The following GRAMD4 variants were observed in gnomAD, a reference collection of about 807,000 sequenced individuals.
The protein encoded by GRAMD4 is GRAM domain containing 4.
In GRAMD4, 25 loss-of-function variants were observed where a neutral mutation model predicts 83.9. That is an observed-to-expected ratio of 0.30 (90% confidence interval 0.22 to 0.42). The LOEUF (loss-of-function observed/expected upper bound fraction) is 0.42. Among genes scored for constraint, GRAMD4 ranks in the 10% least tolerant of loss-of-function variants. The pLI is 1.00. For missense variants in GRAMD4, 593 were observed against 788.7 expected, an observed-to-expected ratio of 0.75 and a Z score of 2.97; for synonymous variants, 336 against 320.9, an observed-to-expected ratio of 1.05 and a Z score of -0.50.
chr22:46,633,959 G>A (rs373909970), intron 2 of GRAMD4, among the ~76,000 whole-genome samples: 6 of 152,194 alleles, frequency 3.9e-5, no homozygotes, highest in Non-Finnish European at 5.9e-5. Flanking sequence ...ATCATCCTAC[G>A]TGGACCACGT....
At position 46,622,860 on chromosome 22, in the gene GRAMD4, C is replaced by G. The variant is rs966464431; in HGVS notation, c.-50+2295C>G. Among the ~76,000 whole-genome samples, 2 of 148,786 alleles carry G rather than the reference C, an allele frequency of 1.3e-5. No homozygotes were observed. Among genetic ancestry groups the G allele is most frequent in the Admixed American group, 6.8e-5 (1 of 14,794 alleles). On this transcript the variant is annotated intron_variant, in intron 1 of 18. Coordinates refer to ENST00000406902, the MANE Select transcript of GRAMD4 (RefSeq NM_015124.5). This position sits in a 1 kb window ranked among gnomAD's most constrained non-coding sequence, Gnocchi z 4.0. ...CCAGGAGGCGGATCTTGCAGTGAGC[C>G]GAGATCACGCCACTGCACTCCAGCC...
chr22:46,626,889 C>T lies in GRAMD4; in HGVS notation c.90C>T (p.Thr30=), dbSNP rs752709124. 3 of 1,614,006 alleles carry T rather than the reference C, an allele frequency of 1.9e-6. No homozygotes were observed. The highest frequency in any genetic ancestry group is 2.7e-5 in the African/African-American group (2 of 74,932). Residue 30 remains threonine, a synonymous_variant, in exon 2 of 19, where the codon ACC becomes ACT. Coordinates refer to ENST00000406902, the MANE Select transcript of GRAMD4 (RefSeq NM_015124.5). ...CGGAGTCTCCAAATGCCTCGGACAC[C>T]GAATGCAGCGACGAAATCCCCCTGA... ...DLAESPNASD[T]ECSDEIPLKV... is the part of the protein sequence containing the mutation.
intron 2 of GRAMD4, among the ~76,000 whole-genome samples, chr22:46,636,069 C>T (rs997006438): frequency 6.6e-6 from 1 of 152,142 alleles, no homozygotes; most frequent in Non-Finnish European, 1.5e-5. Context: ...TGTCCTGGGG[C>T]CCCAGCTGGG....
chr22:46,644,897 CTTTTTTTTTTTTTTT>C (rs35677843), intron 3 of GRAMD4, among the ~76,000 whole-genome samples: 3 of 41,014 alleles, frequency 7.3e-5, no homozygotes, highest in African/African-American at 2.2e-4. Context: ...TGCACATGGC[CTTTTTTTTTTTTTTT>C]TTTTTTTTTT....
intron 3 of GRAMD4, among the ~76,000 whole-genome samples, chr22:46,640,703 A>G (rs1223483773): frequency 2.6e-5 from 4 of 152,148 alleles, no homozygotes; most frequent in African/African-American, 9.7e-5. Flanking sequence ...TGGAGCAAAG[A>G]GTGTCATGGG....
upstream of GRAMD4, among the ~76,000 whole-genome samples, chr22:46,616,926 A>AGGTTCCCCCGTGTG (rs1569263360): frequency 0.037 from 69 of 1,846 alleles, 31 homozygotes; most frequent in Admixed American, 0.083. Context: ...CCCTGTGCGT[A>AGGTTCCCCCGTGTG]TAGGTTCCCC....
At chr22:46,603,515 C>CTTTTTTTTTTTTTTTTTTTTTTT (rs71192425) in intron 1 of GRAMD4, among the ~76,000 whole-genome samples, 3 of 81,590 alleles carry the variant, frequency 3.7e-5, no homozygotes, top group African/African-American at 1.3e-4. Context: ...GGCCTCTTCT[C>CTTTTTTTTTTTTTTTTTTTTTTT]TTTTTTTTTT....
chr22:46,654,295 G>C (rs1052527258), intron 3 of GRAMD4, among the ~76,000 whole-genome samples: 1 of 152,204 alleles, frequency 6.6e-6, no homozygotes, highest in African/African-American at 2.4e-5. Context: ...GCATGGACCC[G>C]CCCACCAAGG....
chr22:46,676,658 C>T lies in GRAMD4; in HGVS notation c.1622C>T (p.Ser541Phe), dbSNP rs1208069675. The T allele has an allele frequency of 1.9e-6, 3 of 1,548,694 alleles. No individual in the cohort carries two copies. The highest frequency in any genetic ancestry group is 2.6e-6 in the Non-Finnish European group (3 of 1,146,926). The change falls in exon 18 of 19, where the codon TCC becomes TTC. Residue 541 changes from serine (S) to phenylalanine (F), a missense_variant. This residue lies in a region of GRAMD4 where 74 missense variants were observed against 152.7 expected (regional missense o/e 0.48). Transcript: ENST00000406902. ...SGMGIAVSTP[S>F]TQKPLVFGAM... ...ATGGGGATTGCCGTGTCGACGCCAT[C>T]CACCCAGAAAGTAGGTGCCGGGCGG...
intron 1 of GRAMD4, among the ~76,000 whole-genome samples, chr22:46,593,466 C>T (rs1403184789): frequency 6.6e-6 from 1 of 152,128 alleles, no homozygotes; most frequent in East Asian, 1.9e-4. Flanking sequence ...GGTGGGACCG[C>T]CCCCCAACCC....
At chr22:46,602,547 C>T (rs1488933223) in intron 1 of GRAMD4, among the ~76,000 whole-genome samples, 1 of 151,984 alleles carries the variant, frequency 6.6e-6, no homozygotes. Context: ...CCTCTAGTCT[C>T]AGCAACTTGG....
At chr22:46,617,798 C>T (rs1355908735), upstream of GRAMD4, among the ~76,000 whole-genome samples, 1 of 152,164 alleles carries the variant, frequency 6.6e-6, no homozygotes, top group East Asian at 1.9e-4. Flanking sequence ...TTCCCTGTCA[C>T]AGTGCAGAAG....
intron 3 of GRAMD4, among the ~76,000 whole-genome samples, chr22:46,644,695 C>CTGTTTTTT (rs1569285130): frequency 1.3e-5 from 1 of 76,758 alleles, no homozygotes; most frequent in African/African-American, 6.4e-5. Context: ...CACTTGTTCC[C>CTGTTTTTT]TGTTTTTTTT....
intron 1 of GRAMD4, among the ~76,000 whole-genome samples, chr22:46,594,039 T>C (rs1314010074): frequency 6.6e-6 from 1 of 151,716 alleles, no homozygotes; most frequent in African/African-American, 2.4e-5. Flanking sequence ...TTTCGTTATT[T>C]TTAATAATGT....
chr22:46,598,217 A>G (rs570953497), intron 1 of GRAMD4, among the ~76,000 whole-genome samples: 21 of 151,934 alleles, frequency 1.4e-4, no homozygotes, highest in African/African-American at 5.1e-4. Context: ...CCTGGCCTCA[A>G]GTGATCCTCC....
chr22:46,667,697 C>T (rs763503129), intron 10 of GRAMD4, among the ~76,000 whole-genome samples: 1 of 152,208 alleles, frequency 6.6e-6, no homozygotes, highest in East Asian at 1.9e-4. Context: ...GGCTGTTGCC[C>T]GCCCAGCACT....
intron 1 of GRAMD4, among the ~76,000 whole-genome samples, chr22:46,609,322 G>C (rs1014496814): frequency 6.6e-6 from 1 of 152,238 alleles, no homozygotes; most frequent in Non-Finnish European, 1.5e-5. Flanking sequence ...AAGGTGTTCC[G>C]CAGCCTGCTG....
chr22:46,662,126 G>A (rs1040311737), intron 5 of GRAMD4, among the ~76,000 whole-genome samples: 4 of 152,196 alleles, frequency 2.6e-5, no homozygotes, highest in South Asian at 2.1e-4. Context: ...CGAGTGTGCC[G>A]ATCTCACCTG....
chr22:46,675,189 T>C (rs1386686453), intron 16 of GRAMD4, among the ~76,000 whole-genome samples: 1 of 151,866 alleles, frequency 6.6e-6, no homozygotes, highest in Non-Finnish European at 1.5e-5. Flanking sequence ...CTCAGAGCAG[T>C]GGCCGTGAGT....
Sources: gnomAD v4.1 joint callset for allele counts (sites outside exome capture counted in the v4.1 genomes callset) on GRCh38, gnomAD v4.1.1 for gene constraint, gnomAD v4.1.1 regional missense constraint, Gnocchi (gnomAD v3.1) non-coding constraint, MANE v1.5 for transcripts, NCBI Gene and HGNC (gene_info 2026-07-23, HGNC 2026-07-21) for gene names.